The following PLEKHH2 variants were observed in gnomAD, a reference collection of about 807,000 sequenced individuals.
PLEKHH2 encodes pleckstrin homology domain-containing family H member 2.
In PLEKHH2, 129 loss-of-function variants were observed where a neutral mutation model predicts 187.9. That is an observed-to-expected ratio of 0.69 (90% CI 0.59 to 0.79). The LOEUF (loss-of-function observed/expected upper bound fraction) is 0.79. PLEKHH2 is among the 30% of genes least tolerant of loss of function. The probability of loss-of-function intolerance (pLI) is 0.00; values close to 1 mark genes in which losing one functional copy is unlikely to be tolerated. For synonymous variants in PLEKHH2, 686 were observed against 605.6 expected, an observed-to-expected ratio of 1.13 and a Z score of -1.95; for missense variants, 2,076 against 1,751.2, an observed-to-expected ratio of 1.19 and a Z score of -3.31.
In PLEKHH2 at chr2:43,764,237, G is replaced by T; in HGVS notation, c.4168G>T (p.Val1390Phe). Residue 1390 changes from valine to phenylalanine, a missense_variant, in exon 29 of 30, where the codon GTC becomes TTC. Coordinates refer to ENST00000282406, the MANE Select transcript of PLEKHH2 (RefSeq NM_172069.4). ...LLEYNSMRLI[V>F]SYVYKSLMTF... ...TTTCTTATCTTTAAAGAGGTTAATA[G>T]TCAGCTATGTGTACAAGAGTCTAAT... 1 of 1,497,258 alleles carries T rather than the reference G, an allele frequency of 6.7e-7. No individual in the cohort carries two copies. The highest frequency in any genetic ancestry group is 8.9e-7 in the Non-Finnish European group (1 of 1,119,792). The allele number at this position is 1,497,258 out of a possible 1,614,324, so 92.7% of individuals were successfully genotyped here.
intron 3 of PLEKHH2, chr2:43,681,502 T>C: frequency 6.5e-7 from 1 of 1,541,544 alleles, no homozygotes; most frequent in Non-Finnish European, 8.8e-7. Context: ...GCATCAACGT[T>C]ATCTTTGTGC....
intron 24 of PLEKHH2, among the ~76,000 whole-genome samples, chr2:43,751,926 C>CTTTT (rs1191371733): frequency 1.4e-5 from 2 of 139,868 alleles, no homozygotes; most frequent in African/African-American, 2.7e-5. Flanking sequence ...CTCTCTCTCT[C>CTTTT]TTTTTTTTTT....
At chr2:43,707,003 C>T (rs113622974) in intron 10 of PLEKHH2, among the ~76,000 whole-genome samples, 1,846 of 152,164 alleles carry the variant, frequency 0.012, 55 homozygotes, top group African/African-American at 0.042. Context: ...CGAGACCAGC[C>T]TGGCCAACAT....
chr2:43,644,066 C>T (rs751880291), intron 1 of PLEKHH2, among the ~76,000 whole-genome samples: 1 of 152,098 alleles, frequency 6.6e-6, no homozygotes, highest in Non-Finnish European at 1.5e-5. Context: ...CAACAACTTA[C>T]CCTTAAATAC....
Position 43,720,689 on chromosome 2 carries a change from GA to G in PLEKHH2, c.2482del (p.Arg828GlufsTer6). Reference protein sequence around the residue: ...LTKVKHGYSKRVWCTLIGKTL... With the variant: ...LTKVKHGYSKXVWCTLIGKTL... ...TTCAGGTAAAACATGGATATTCCAA[GA>G]GAGTCTGGTGTACACTAATAGGAAA... On this transcript the variant is annotated frameshift_variant, in exon 16 of 30. Transcript: ENST00000282406. LOFTEE classifies it high-confidence loss of function. 1 of 1,610,190 alleles carries G rather than the reference GA, an allele frequency of 6.2e-7. No homozygotes were observed.
chr2:43,681,407 C>T (rs971078109), intron 3 of PLEKHH2: 1 of 1,548,376 alleles, frequency 6.5e-7, no homozygotes, highest in Non-Finnish European at 8.7e-7. Context: ...TTTGTTCTTT[C>T]CTTTGTTTTA....
Position 43,707,409 on chromosome 2 carries a change from C to G in PLEKHH2, c.1830C>G (p.Thr610=). 6.2e-7 allele frequency: 1 copy of G among 1,613,856 alleles called. No homozygotes were observed. The highest frequency in any genetic ancestry group is 1.1e-5 in the South Asian group (1 of 91,064). The change falls in exon 11 of 30, where the codon ACC becomes ACG. Residue 610 remains threonine (T), a synonymous_variant. Transcript: ENST00000282406. ...GTTCCACTTTTCTTTAGAAGGCGAC[C>G]CAAATAAGTAGCAGCCCTTTCCTGG... ...PVYTTLKGKA[T]QISSSPFLDD...
chr2:43,752,235 C>T (rs904885218), intron 24 of PLEKHH2, among the ~76,000 whole-genome samples: 2 of 152,164 alleles, frequency 1.3e-5, no homozygotes, highest in African/African-American at 4.8e-5. Context: ...TACGGCTTTG[C>T]TGATATCATT....
chr2:43,682,527 G>C (rs146812426), intron 3 of PLEKHH2, among the ~76,000 whole-genome samples: 5 of 151,966 alleles, frequency 3.3e-5, no homozygotes, highest in South Asian at 2.1e-4. Flanking sequence ...GGCTGGTCTC[G>C]AACTCCTGAC....
rs889986157 is a variant in PLEKHH2 at position 43,700,039 on chromosome 2, A to C, written c.1081A>C (p.Lys361Gln). 103 of 1,614,104 alleles carry C rather than the reference A, an allele frequency of 6.4e-5. No individual in the cohort carries two copies. Among genetic ancestry groups the C allele is most frequent in the Non-Finnish European group, 8.6e-5 (101 of 1,180,040 alleles). Residue 361 changes from lysine to glutamine, a missense_variant, in exon 8 of 30, where the codon AAA (lysine) becomes CAA (glutamine). Transcript: ENST00000282406. ...LYSWQQEAQWKALNSPLGKGN... is the reference protein window; with the variant it reads ...LYSWQQEAQWQALNSPLGKGN... ...TTCTTGGCAGCAGGAGGCACAGTGG[A>C]AAGCTCTAAATAGTCCTCTTGGAAA...
At chr2:43,754,296 T>C (rs550498531) in intron 25 of PLEKHH2, among the ~76,000 whole-genome samples, 1 of 151,976 alleles carries the variant, frequency 6.6e-6, no homozygotes, top group South Asian at 2.1e-4. Context: ...GCCATTAGGG[T>C]CATGGGCTTT....
At chr2:43,736,477 GC>G (rs1671299783) in intron 19 of PLEKHH2, among the ~76,000 whole-genome samples, 1 of 152,134 alleles carries the variant, frequency 6.6e-6, no homozygotes, top group Non-Finnish European at 1.5e-5. Context: ...CCCAAATAGA[GC>G]CTGGCAGTCT....
chr2:43,647,994 A>T (rs146397431), intron 2 of PLEKHH2, among the ~76,000 whole-genome samples: 2 of 152,292 alleles, frequency 1.3e-5, no homozygotes, highest in African/African-American at 4.8e-5. Context: ...GGTGATTGTT[A>T]TTATCCTCAA....
rs1048992724 is a variant in PLEKHH2, at chr2:43,666,017, C to T, written c.124-12846C>T. Among the ~76,000 whole-genome samples the T allele has an allele frequency of 7.7e-4, 112 of 146,332 alleles. 4 individuals carry two copies. Among genetic ancestry groups the T allele is most frequent in the African/African-American group, 2.1e-3 (80 of 37,642 alleles). On this transcript the variant is annotated intron_variant, in intron 2 of 29. Transcript: ENST00000282406. Reference sequence around the variant, plus strand: ...TGGGCTCCACCCAGTTCGAGCTTCCCGGCTGCTTTGTTTACCTAAGCAAGC... The same window carrying T: ...TGGGCTCCACCCAGTTCGAGCTTCCTGGCTGCTTTGTTTACCTAAGCAAGC...
At chr2:43,727,568 G>C (rs1248396387) in intron 17 of PLEKHH2, among the ~76,000 whole-genome samples, 1 of 152,008 alleles carries the variant, frequency 6.6e-6, no homozygotes, top group Non-Finnish European at 1.5e-5. Flanking sequence ...TTCATGGATG[G>C]CTACTGTATC....
intron 10 of PLEKHH2, among the ~76,000 whole-genome samples, chr2:43,707,080 C>T (rs1159729547): frequency 6.6e-6 from 1 of 150,914 alleles, no homozygotes; most frequent in Admixed American, 6.6e-5. Context: ...CCTGTAATCC[C>T]AGCTACTCAG....
intron 15 of PLEKHH2, among the ~76,000 whole-genome samples, chr2:43,718,672 T>G (rs1482774521): frequency 6.6e-6 from 1 of 152,206 alleles, no homozygotes; most frequent in Non-Finnish European, 1.5e-5. Flanking sequence ...CTTTTAAAGA[T>G]AAATCATTTC....
Position 43,753,760 on chromosome 2 carries a change from G to A in PLEKHH2, c.3795G>A (p.Gln1265=). 1.3e-6 allele frequency: 2 copies of A among 1,567,104 alleles called. No individual in the cohort carries two copies. Among genetic ancestry groups the A allele is most frequent in the Admixed American group, 2.0e-5 (1 of 51,028 alleles). The change falls in exon 25 of 30, where the codon CAG becomes CAA. Residue 1265 remains glutamine (Q), a splice_region_variant and synonymous_variant. Transcript: ENST00000282406. ...LALEMAALLS[Q]VEIGDFERPF... The stretch of plus-strand genomic sequence containing the variant: ...TAGAAATGGCAGCTCTTTTATCTCA[G>A]GTAACTTCCATGTTATATGGAGTAA...
At chr2:43,754,190 ACACACACACAC>A (rs1672116458) in intron 25 of PLEKHH2, among the ~76,000 whole-genome samples, 1 of 125,846 alleles carries the variant, frequency 7.9e-6, no homozygotes, top group African/African-American at 3.6e-5. Flanking sequence ...ACACACACAC[ACACACACACAC>A]ACACAAAATT....
Sources: gnomAD v4.1 joint callset for allele counts (sites outside exome capture counted in the v4.1 genomes callset) on GRCh38, gnomAD v4.1.1 for gene constraint, MANE v1.5 for transcripts, NCBI Gene and HGNC (gene_info 2026-07-23, HGNC 2026-07-21) for gene names.